The following PLLP variants were observed in gnomAD, a reference collection of about 807,000 sequenced individuals.
PLLP encodes the protein plasma membrane proteolipid (plasmolipin).
A neutral mutation model predicts 19.7 loss-of-function variants in PLLP; 15 were observed. The ratio of observed to expected loss-of-function variants is 0.76; its 90% CI spans 0.51 to 1.17. The LOEUF (loss-of-function observed/expected upper bound fraction) is 1.17. PLLP is among the 50% of genes most tolerant of loss of function. The probability of loss-of-function intolerance (pLI) is 0.00; values close to 1 mark genes in which losing one functional copy is unlikely to be tolerated. For synonymous variants in PLLP, 111 were observed against 116.3 expected, an observed-to-expected ratio of 0.95 and a Z score of 0.29; for missense variants, 255 against 258.3, an observed-to-expected ratio of 0.99 and a Z score of 0.09.
Position 57,284,422 on chromosome 16 carries a change from A to C in PLLP, c.119T>G (p.Leu40Arg), listed in dbSNP as rs1303788275. ...TGCTCTCACCAGCTGCAGCAGCATG[A>C]GCGCCCCGAGGCGGGAGCGCACGAA... ...LGFVRSRLGA[L>R]MLLQLVLGLL... The change falls in exon 1 of 4, where the codon CTC becomes CGC. Residue 40 changes from leucine to arginine, a missense_variant. Coordinates refer to ENST00000219207, the MANE Select transcript of PLLP (RefSeq NM_015993.3). 2 of 1,422,754 alleles carry C rather than the reference A, an allele frequency of 1.4e-6. No homozygotes were observed. The highest frequency in any genetic ancestry group is 1.4e-5 in the South Asian group (1 of 70,442). 88.1% of individuals were successfully genotyped at this position (1,422,754 alleles called of 1,614,324 possible).
intron 1 of PLLP, among the ~76,000 whole-genome samples, chr16:57,276,159 T>C (rs530783192): frequency 2.6e-5 from 4 of 152,140 alleles, no homozygotes; most frequent in East Asian, 1.9e-4. Context: ...ACCTCACTGA[T>C]AAGAGACTGA....
intron 1 of PLLP, among the ~76,000 whole-genome samples, chr16:57,278,166 C>T (rs1438928512): frequency 6.6e-6 from 1 of 152,058 alleles, no homozygotes; most frequent in Non-Finnish European, 1.5e-5. Context: ...ATGGTGAAGC[C>T]CCGTCTCTAC....
chr16:57,257,073 G>T, intron 3 of PLLP, 44 bp from the exon 4 acceptor site: 1 of 1,386,922 alleles, frequency 7.2e-7, no homozygotes, highest in Non-Finnish European at 1.0e-6. Context: ...GAGGGTGACA[G>T]TGACACAAGC....
chr16:57,275,869 A>C (rs1268470853), intron 1 of PLLP, among the ~76,000 whole-genome samples: 1 of 152,230 alleles, frequency 6.6e-6, no homozygotes, highest in East Asian at 1.9e-4. Context: ...TAATTTCAGC[A>C]CTTTGGGAGG....
intron 1 of PLLP, among the ~76,000 whole-genome samples, chr16:57,283,228 AT>A (rs1200687536): frequency 6.6e-6 from 1 of 152,072 alleles, no homozygotes; most frequent in Non-Finnish European, 1.5e-5. Flanking sequence ...AATAATCTAA[AT>A]TTTAAACAAA....
rs1344154239 is a variant in PLLP, at chr16:57,284,474, C to G, written c.67G>C (p.Val23Leu). ...SSPAQGAEAS[V>L]SALRPDLGFV... ...CCCAGGTCCGGGCGCAGCGCCGACACCGAGGCTTCGGCGCCCTGCGCAGGA... is the reference window on the plus strand; with the variant it reads ...CCCAGGTCCGGGCGCAGCGCCGACAGCGAGGCTTCGGCGCCCTGCGCAGGA... The change falls in exon 1 of 4, where the codon GTG becomes CTG. Residue 23 changes from valine (V) to leucine (L), a missense_variant. By Grantham distance (32) the Val-to-Leu change is conservative. Transcript: ENST00000219207. 1.4e-6 allele frequency: 2 copies of G among 1,435,994 alleles called. No homozygotes were observed. Among genetic ancestry groups the G allele is most frequent in the African/African-American group, 2.9e-5 (2 of 67,850 alleles). 89.0% of individuals were successfully genotyped at this position (1,435,994 alleles called of 1,614,324 possible).
At chr16:57,282,908 C>T (rs1901236457) in intron 1 of PLLP, among the ~76,000 whole-genome samples, 1 of 152,192 alleles carries the variant, frequency 6.6e-6, no homozygotes, top group Non-Finnish European at 1.5e-5. Context: ...TGCCCTTTCG[C>T]ACCACTTCTC....
chr16:57,272,540 G>A (rs1257490144), intron 1 of PLLP, among the ~76,000 whole-genome samples: 1 of 152,212 alleles, frequency 6.6e-6, no homozygotes, highest in African/African-American at 2.4e-5. Flanking sequence ...AGGAATTGGG[G>A]TGCTAAAGTG....
chr16:57,274,113 A>G (rs1172619398), intron 1 of PLLP, among the ~76,000 whole-genome samples: 1 of 151,874 alleles, frequency 6.6e-6, no homozygotes, highest in East Asian at 1.9e-4. Context: ...TCACCCTCCC[A>G]AGAGCTGGGA....
intron 1 of PLLP, among the ~76,000 whole-genome samples, chr16:57,266,073 C>T (rs953462982): frequency 3.3e-5 from 5 of 152,068 alleles, no homozygotes; most frequent in African/African-American, 1.2e-4. Context: ...AACCCAGATC[C>T]GTGCTTCCTT....
intron 1 of PLLP, among the ~76,000 whole-genome samples, chr16:57,280,762 G>A (rs1901209732): frequency 1.3e-5 from 2 of 152,124 alleles, no homozygotes; most frequent in Admixed American, 1.3e-4. Context: ...TGTCTTATGT[G>A]GTTTAATATC....
chr16:57,281,911 A>T (rs537824301), intron 1 of PLLP, among the ~76,000 whole-genome samples: 1 of 152,282 alleles, frequency 6.6e-6, no homozygotes, highest in East Asian at 1.9e-4. Flanking sequence ...AGGGAGCAAA[A>T]GGAGCCCACT....
chr16:57,257,498 T>C (rs2075429435), intron 3 of PLLP, among the ~76,000 whole-genome samples: 1 of 152,228 alleles, frequency 6.6e-6, no homozygotes, highest in South Asian at 2.1e-4. Flanking sequence ...GCGTGCCCAT[T>C]GAGGCCCTGC....
intron 1 of PLLP, among the ~76,000 whole-genome samples, chr16:57,280,494 T>C (rs1476856360): frequency 6.6e-6 from 1 of 152,198 alleles, no homozygotes; most frequent in African/African-American, 2.4e-5. Flanking sequence ...GATGCCTTTT[T>C]TTTTTAAAAC....
chr16:57,260,014 T>C (rs2075437568), intron 2 of PLLP, among the ~76,000 whole-genome samples: 1 of 151,780 alleles, frequency 6.6e-6, no homozygotes, highest in Non-Finnish European at 1.5e-5. Flanking sequence ...TCAAAAGATT[T>C]CGCTCCAAAG....
intron 1 of PLLP, among the ~76,000 whole-genome samples, chr16:57,279,989 T>A (rs1401800186): frequency 2.0e-5 from 3 of 152,196 alleles, no homozygotes; most frequent in Non-Finnish European, 4.4e-5. Context: ...AGCTTCCACA[T>A]CCTGGGCCTC....
intron 1 of PLLP, among the ~76,000 whole-genome samples, chr16:57,275,130 T>C (rs4784788): frequency 0.02 from 770 of 37,682 alleles, 4 homozygotes; most frequent in South Asian, 0.19. Flanking sequence ...CACACACACA[T>C]GCATTTCAGA....
intron 1 of PLLP, among the ~76,000 whole-genome samples, chr16:57,263,594 C>T (rs1454403149): frequency 1.3e-5 from 2 of 152,192 alleles, no homozygotes; most frequent in Admixed American, 6.5e-5. Flanking sequence ...GCAGGTTTGT[C>T]GACTCACTAT....
chr16:57,258,403 C>A, intron 3 of PLLP, 59 bp downstream of exon 3: 2 of 1,578,234 alleles, frequency 1.3e-6, no homozygotes, highest in Admixed American at 1.7e-5. Context: ...AAGCGAGCAG[C>A]CTGAGTCCTG....
Sources: allele counts gnomAD v4.1 joint callset (sites outside exome capture counted in the v4.1 genomes callset), GRCh38; gene constraint gnomAD v4.1.1; transcripts MANE v1.5; gene names NCBI Gene and HGNC (gene_info 2026-07-23, HGNC 2026-07-21).